Variants in RBMS3 observed in about 807,000 individuals in gnomAD.
RBMS3 encodes the protein RNA-binding motif, single-stranded-interacting protein 3.
In RBMS3, 27 loss-of-function variants were observed where a neutral mutation model predicts 66.8. That is an observed-to-expected ratio of 0.40 (90% CI 0.30 to 0.56). The LOEUF (loss-of-function observed/expected upper bound fraction) is 0.56, where lower values mean the gene tolerates loss of function less well. Among genes scored for constraint, RBMS3 ranks in the 20% least tolerant of loss-of-function variants. The pLI, the probability that RBMS3 is intolerant of heterozygous loss-of-function variation, is 0.40. For missense variants in RBMS3, 513 were observed against 549.5 expected, an observed-to-expected ratio of 0.93 and a Z score of 0.66; for synonymous variants, 188 against 183.0, an observed-to-expected ratio of 1.03 and a Z score of -0.22.
At chr3:29,407,307 G>T (rs865904508) in intron 1 of RBMS3, among the ~76,000 whole-genome samples, 25 of 152,150 alleles carry the variant, frequency 1.6e-4, no homozygotes, top group Middle Eastern at 3.2e-3. Flanking sequence ...GAGGCACAGA[G>T]AAGTTAAATA....
In RBMS3 at chr3:29,824,416, C is replaced by T. The variant is rs183902495; in HGVS notation, c.638-44442C>T. Among the ~76,000 whole-genome samples, 38 of 152,178 alleles carry T rather than the reference C, an allele frequency of 2.5e-4. 1 individual carries two copies. In the East Asian group the frequency reaches 7.0e-3, roughly 28 times the overall value. On this transcript the variant is annotated intron_variant, in intron 6 of 14. Coordinates refer to ENST00000383767, the MANE Select transcript of RBMS3 (RefSeq NM_001003793.3). ...AAATAAATTTCTGTTGTTTATAAGC[C>T]ACCCAGCTTATTGTTATAGCAGCCA...
At chr3:29,759,410 G>T (rs1367820816) in intron 5 of RBMS3, among the ~76,000 whole-genome samples, 1 of 152,120 alleles carries the variant, frequency 6.6e-6, no homozygotes, top group Non-Finnish European at 1.5e-5. Context: ...TGTATTGTCA[G>T]GTGAATGGTT....
intron 7 of RBMS3, among the ~76,000 whole-genome samples, chr3:29,878,923 C>T (rs1387447398): frequency 3.9e-5 from 6 of 151,952 alleles, no homozygotes; most frequent in Admixed American, 2.6e-4. Flanking sequence ...TGGTGCACAC[C>T]AGTAGTCCCA....
chr3:29,335,279 C>T (rs9845429), intron 1 of RBMS3, among the ~76,000 whole-genome samples: 59,177 of 151,946 alleles, frequency 0.39, 11,642 homozygotes, highest in South Asian at 0.5. Context: ...AATGATAATG[C>T]GTACTGATAC....
intron 4 of RBMS3, among the ~76,000 whole-genome samples, chr3:29,655,758 G>T (rs532454008): frequency 9.2e-5 from 14 of 152,054 alleles, no homozygotes; most frequent in Admixed American, 5.9e-4. Flanking sequence ...ACCTCAGGCA[G>T]GTCCTTCATG....
chr3:29,395,173 A>G (rs149167707), intron 1 of RBMS3, among the ~76,000 whole-genome samples: 2 of 152,216 alleles, frequency 1.3e-5, no homozygotes, highest in East Asian at 1.9e-4. Context: ...GGAGCCAGTT[A>G]TCAAAGTATC....
At chr3:29,975,255 G>A (rs1413218809) in intron 12 of RBMS3, among the ~76,000 whole-genome samples, 2 of 150,818 alleles carry the variant, frequency 1.3e-5, no homozygotes, top group African/African-American at 4.9e-5. Flanking sequence ...ATCTTTTGGT[G>A]TATATTTGTA....
At chr3:29,953,072 G>A (rs1214257115) in intron 12 of RBMS3, among the ~76,000 whole-genome samples, 1 of 151,856 alleles carries the variant, frequency 6.6e-6, no homozygotes, top group Non-Finnish European at 1.5e-5. Flanking sequence ...CAGTTGAACT[G>A]TGGAGCATCT....
Position 29,465,542 on chromosome 3 carries a change from A to AT in RBMS3, c.249-22884dup, listed in dbSNP as rs34857596. ...CCCAAACAGATGGGAATGTGCCCTT[A>AT]TTTTTTTTTTTTTTTCTGTAAATCT... On this transcript the variant is annotated intron_variant, in intron 2 of 14. Coordinates refer to ENST00000383767, the MANE Select transcript of RBMS3 (RefSeq NM_001003793.3). 6.9e-3 allele frequency among the ~76,000 whole-genome samples: 923 copies of AT among 133,142 alleles called. 21 individuals are homozygous for AT. In the East Asian group the frequency reaches 0.073, roughly 11 times the overall value. The allele number at this position is 133,142 out of a possible 152,430, so 87.3% of individuals were successfully genotyped here.
chr3:29,461,777 G>A (rs1053472110), intron 2 of RBMS3, among the ~76,000 whole-genome samples: 2 of 150,596 alleles, frequency 1.3e-5, no homozygotes, highest in South Asian at 2.1e-4. Flanking sequence ...TTTTTGAAAC[G>A]GAGTCTCACT....
At chr3:29,362,508 A>T (rs940911789) in intron 1 of RBMS3, among the ~76,000 whole-genome samples, 1 of 152,134 alleles carries the variant, frequency 6.6e-6, no homozygotes, top group Admixed American at 6.5e-5. Context: ...AACCCACTTG[A>T]GGAGGCAGTC....
chr3:29,951,618 CAGGAAAGTG>C (rs1285940140), intron 12 of RBMS3, among the ~76,000 whole-genome samples: 1 of 151,626 alleles, frequency 6.6e-6, no homozygotes, highest in Non-Finnish European at 1.5e-5. Context: ...TCTTTGGATT[CAGGAAAGTG>C]TGTTAGGACT....
At chr3:29,372,586 A>G (rs2038262155) in intron 1 of RBMS3, among the ~76,000 whole-genome samples, 1 of 152,164 alleles carries the variant, frequency 6.6e-6, no homozygotes, top group Admixed American at 6.5e-5. Flanking sequence ...ATAAGCAACC[A>G]AATAATTCAA....
chr3:29,424,062 T>C (rs1215485336), intron 1 of RBMS3, among the ~76,000 whole-genome samples: 1 of 152,244 alleles, frequency 6.6e-6, no homozygotes, highest in Non-Finnish European at 1.5e-5. Context: ...ATATAATGTA[T>C]GCTCAATAAA....
chr3:29,575,995 T>G (rs2047106456), intron 3 of RBMS3, among the ~76,000 whole-genome samples: 1 of 152,186 alleles, frequency 6.6e-6, no homozygotes, highest in Non-Finnish European at 1.5e-5. Flanking sequence ...TCTCCAGGAT[T>G]AGTCCTTCAT....
rs2060614127 is a variant in RBMS3 at position 29,915,405 on chromosome 3, T to C, written c.939+15650T>C. Among the ~76,000 whole-genome samples, 3 of 151,942 alleles carry C rather than the reference T, an allele frequency of 2.0e-5. No homozygotes were observed. In the South Asian group the frequency reaches 6.2e-4, roughly 31 times the overall value. ...TAGGGGGATGTGAGAGCTAAATTACTGAAGACCATCATGTTTTCCTGTGGG... is the reference window on the plus strand; with the variant it reads ...TAGGGGGATGTGAGAGCTAAATTACCGAAGACCATCATGTTTTCCTGTGGG... On this transcript the variant is annotated intron_variant, in intron 10 of 14. Transcript: ENST00000383767.
intron 10 of RBMS3, among the ~76,000 whole-genome samples, chr3:29,916,766 T>C (rs1211217013): frequency 6.6e-6 from 1 of 152,030 alleles, no homozygotes; most frequent in Non-Finnish European, 1.5e-5. Flanking sequence ...ATTTGAAAAT[T>C]AAAGATTCCT....
intron 10 of RBMS3, among the ~76,000 whole-genome samples, chr3:29,932,536 G>T (rs910352772): frequency 1.3e-5 from 2 of 152,112 alleles, no homozygotes; most frequent in Admixed American, 1.3e-4. Context: ...ACCATAGTTG[G>T]GGTGGCACTG....
At chr3:29,334,702 A>G (rs377508087) in intron 1 of RBMS3, among the ~76,000 whole-genome samples, 2 of 152,306 alleles carry the variant, frequency 1.3e-5, no homozygotes, top group African/African-American at 4.8e-5. Context: ...GTCGTTGTTC[A>G]GGCTTTCCTG....
Sources: gnomAD v4.1 joint callset for allele counts (sites outside exome capture counted in the v4.1 genomes callset) on GRCh38, gnomAD v4.1.1 for gene constraint, MANE v1.5 for transcripts, NCBI Gene and HGNC (gene_info 2026-07-23, HGNC 2026-07-21) for gene names.